The following TSPAN18 variants were observed in gnomAD, a reference collection of about 807,000 sequenced individuals.
The protein encoded by TSPAN18 is tetraspanin-18.
Under a neutral mutation model 27.3 loss-of-function variants are expected in TSPAN18, and 14 were observed. The ratio of observed to expected loss-of-function variants is 0.51; its 90% confidence interval spans 0.34 to 0.80. The LOEUF is 0.80. TSPAN18 is among the 30% of genes least tolerant of loss of function. The pLI is 0.01. For missense variants in TSPAN18, 268 were observed against 323.9 expected (o/e 0.83, Z 1.32); for synonymous variants, 143 against 136.5 (o/e 1.05, Z -0.33).
chr11:44,780,837 G>C (rs886213807), intron 2 of TSPAN18, among the ~76,000 whole-genome samples: 1 of 152,204 alleles, frequency 6.6e-6, no homozygotes, highest in Admixed American at 6.5e-5. Flanking sequence ...GAACTTCTGT[G>C]TTAATCAACA....
At chr11:44,857,261 C>T (rs1041279591) in intron 2 of TSPAN18, among the ~76,000 whole-genome samples, 3 of 152,242 alleles carry the variant, frequency 2.0e-5, no homozygotes, top group Non-Finnish European at 2.9e-5. Flanking sequence ...CTGCACTTTA[C>T]AGTTTGCATG....
At chr11:44,859,207 G>A (rs772949789) in intron 2 of TSPAN18, among the ~76,000 whole-genome samples, 2 of 152,134 alleles carry the variant, frequency 1.3e-5, no homozygotes, top group African/African-American at 2.4e-5. Flanking sequence ...GGGTGCAGAG[G>A]GGACTAATGT....
intron 2 of TSPAN18, among the ~76,000 whole-genome samples, chr11:44,836,584 G>A (rs1156363771): frequency 2.0e-5 from 3 of 152,190 alleles, no homozygotes; most frequent in African/African-American, 7.2e-5. Context: ...CAAAACAACA[G>A]ATTTTCAATG....
At chr11:44,805,255 T>C (rs917753491) in intron 2 of TSPAN18, among the ~76,000 whole-genome samples, 2 of 152,222 alleles carry the variant, frequency 1.3e-5, no homozygotes, top group Non-Finnish European at 2.9e-5. Context: ...GGCAGATGCG[T>C]GCATCTGTGT....
rs150567897 is a variant in TSPAN18 at position 44,794,382 on chromosome 11, C to T, written c.-153+29870C>T. Among the ~76,000 whole-genome samples the T allele has an allele frequency of 4.6e-5, 7 of 152,212 alleles. 1 individual carries two copies. In the Middle Eastern group the frequency reaches 0.01, roughly 223 times the overall value. ...GGGTCTTTGGTATTAAGAACTCAGGCTCTGGCCGGGCATGGTAGCTCATGC... is the reference window on the plus strand; with the variant it reads ...GGGTCTTTGGTATTAAGAACTCAGGTTCTGGCCGGGCATGGTAGCTCATGC... On this transcript the variant is annotated intron_variant, in intron 2 of 9. Transcript: ENST00000520358.
At chr11:44,843,387 G>A (rs1388283178) in intron 2 of TSPAN18, among the ~76,000 whole-genome samples, 2 of 152,182 alleles carry the variant, frequency 1.3e-5, no homozygotes. Context: ...GTGGGTCACA[G>A]ACATCAAGTA....
At chr11:44,737,772 C>A (rs1256729921) in intron 1 of TSPAN18, among the ~76,000 whole-genome samples, 1 of 152,098 alleles carries the variant, frequency 6.6e-6, no homozygotes. Flanking sequence ...GCCCATCTGC[C>A]GCTTGTTTTC....
At position 44,730,688 on chromosome 11, in the gene TSPAN18, A is replaced by T. The variant is rs375811337; in HGVS notation, c.-240+3401A>T. The stretch of plus-strand genomic sequence containing the variant: ...GCCCAGGCTGGAGTGCAGTGGTGCG[A>T]TCTTGGCTCACTGCAACCTCTGCCT... On this transcript the variant is annotated intron_variant, in intron 1 of 9. Coordinates refer to ENST00000520358, the MANE Select transcript of TSPAN18 (RefSeq NM_130783.5). Among the ~76,000 whole-genome samples the T allele has an allele frequency of 1.7e-4, 25 of 148,844 alleles. No homozygotes were observed. In the South Asian group the frequency reaches 3.0e-3, roughly 18 times the overall value.
intron 1 of TSPAN18, among the ~76,000 whole-genome samples, chr11:44,745,498 A>T (rs1260781147): frequency 1.3e-5 from 2 of 152,216 alleles, no homozygotes; most frequent in Non-Finnish European, 2.9e-5. Flanking sequence ...TAAAGTTCAA[A>T]GTCAGCAAGA....
At chr11:44,781,773 G>A (rs1333640305) in intron 2 of TSPAN18, among the ~76,000 whole-genome samples, 2 of 152,240 alleles carry the variant, frequency 1.3e-5, no homozygotes, top group East Asian at 1.9e-4. Flanking sequence ...TTTTGACCTT[G>A]TATATGTCAG....
At chr11:44,899,373 G>T (rs1241371902) in intron 3 of TSPAN18, among the ~76,000 whole-genome samples, 2 of 152,228 alleles carry the variant, frequency 1.3e-5, no homozygotes, top group East Asian at 1.9e-4. Flanking sequence ...TCAGCCCATG[G>T]TGAGAGGTTG....
chr11:44,773,886 C>A (rs1021633606), intron 2 of TSPAN18, among the ~76,000 whole-genome samples: 1 of 152,102 alleles, frequency 6.6e-6, no homozygotes, highest in Non-Finnish European at 1.5e-5. Context: ...TTTGTGTACC[C>A]GTGCTTGGGG....
At chr11:44,882,128 A>G (rs551287904) in intron 3 of TSPAN18, among the ~76,000 whole-genome samples, 3 of 152,252 alleles carry the variant, frequency 2.0e-5, no homozygotes, top group Middle Eastern at 3.4e-3. Context: ...GACTTGCCCA[A>G]GGTCACACAG....
At chr11:44,928,538 A>T (rs1389835324) in intron 9 of TSPAN18, among the ~76,000 whole-genome samples, 2 of 152,200 alleles carry the variant, frequency 1.3e-5, no homozygotes, top group African/African-American at 2.4e-5. Context: ...TGTAAATCCT[A>T]GCACTTTGGG....
intron 3 of TSPAN18, among the ~76,000 whole-genome samples, chr11:44,875,434 G>A (rs966522887): frequency 1.3e-5 from 2 of 152,224 alleles, no homozygotes; most frequent in South Asian, 2.1e-4. Context: ...AGGGGCTGCC[G>A]AGGGATTTAC....
intron 1 of TSPAN18, among the ~76,000 whole-genome samples, chr11:44,760,231 G>A (rs1855420585): frequency 1.3e-5 from 2 of 152,178 alleles, no homozygotes; most frequent in South Asian, 2.1e-4. Flanking sequence ...CTCCATTTAT[G>A]GGCTCACTCT....
At chr11:44,767,862 C>G (rs1855605666) in intron 2 of TSPAN18, among the ~76,000 whole-genome samples, 1 of 152,226 alleles carries the variant, frequency 6.6e-6, no homozygotes, top group African/African-American at 2.4e-5. Context: ...AAGAGACTGT[C>G]TATTCTCCAG....
intron 2 of TSPAN18, among the ~76,000 whole-genome samples, chr11:44,779,440 A>C (rs182021164): frequency 6.6e-6 from 1 of 152,258 alleles, no homozygotes; most frequent in Non-Finnish European, 1.5e-5. Context: ...GGAATGGTCA[A>C]CTGGTTTTAG....
At chr11:44,726,896 A>AGGGAGGGGGGGGGAGGGCGG (rs1357177700), upstream of TSPAN18, 5 of 21,528 alleles carry the variant, frequency 2.3e-4, no homozygotes, top group African/African-American at 1.0e-3. Context: ...GGGGAGGGGG[A>AGGGAGGGGGGGGGAGGGCGG]GGGAGGGCGG....
Sources: allele counts gnomAD v4.1 joint callset (sites outside exome capture counted in the v4.1 genomes callset), GRCh38; gene constraint gnomAD v4.1.1; transcripts MANE v1.5; gene names NCBI Gene and HGNC (gene_info 2026-07-23, HGNC 2026-07-21).